The following CTNND2 variants were observed in gnomAD, a reference collection of about 807,000 sequenced individuals.
CTNND2 encodes the protein catenin delta-2.
A neutral mutation model predicts 144.4 loss-of-function variants in CTNND2; 22 were observed. That is an observed-to-expected ratio of 0.15 (90% confidence interval 0.11 to 0.22). The LOEUF is 0.22. Ranked by LOEUF, CTNND2 falls within the 10% of genes least tolerant of loss-of-function variation. The pLI is 1.00. For synonymous variants in CTNND2, 751 were observed against 695.6 expected, an observed-to-expected ratio of 1.08 and a Z score of -1.25; for missense variants, 1,353 against 1,618.8, an observed-to-expected ratio of 0.84 and a Z score of 2.82.
chr5:11,152,836 A>G (rs1161261782), intron 12 of CTNND2, among the ~76,000 whole-genome samples: 1 of 152,206 alleles, frequency 6.6e-6, no homozygotes, highest in Admixed American at 6.5e-5. Context: ...ATCAGGACTA[A>G]GCTGCCCGGC....
chr5:11,514,869 C>T (rs1772017260), intron 3 of CTNND2, among the ~76,000 whole-genome samples: 2 of 152,252 alleles, frequency 1.3e-5, no homozygotes, highest in East Asian at 1.9e-4. Flanking sequence ...GTGGTGCGAT[C>T]GTGGCTCACT....
intron 16 of CTNND2, among the ~76,000 whole-genome samples, chr5:11,042,497 T>A (rs929126010): frequency 1.3e-5 from 2 of 152,142 alleles, no homozygotes; most frequent in Non-Finnish European, 2.9e-5. Context: ...TATTAACCAA[T>A]GAGATGTTTA....
chr5:11,211,422 T>TA (rs1191854870), intron 10 of CTNND2, among the ~76,000 whole-genome samples: 5 of 152,198 alleles, frequency 3.3e-5, no homozygotes, highest in Non-Finnish European at 7.3e-5. Flanking sequence ...CTTGTCCAGG[T>TA]AAGAGAACCA....
intron 16 of CTNND2, among the ~76,000 whole-genome samples, chr5:11,081,573 C>T (rs960470316): frequency 4.6e-5 from 7 of 152,204 alleles, no homozygotes; most frequent in African/African-American, 1.7e-4. Context: ...CAAAAAATTA[C>T]GGATTCGGCA....
intron 16 of CTNND2, among the ~76,000 whole-genome samples, chr5:11,032,108 C>A (rs1743540322): frequency 6.6e-6 from 1 of 152,224 alleles, no homozygotes; most frequent in Non-Finnish European, 1.5e-5. Context: ...ACAGATTCTG[C>A]CAATGTGATT....
chr5:11,138,982 T>C (rs1437597914), intron 12 of CTNND2, among the ~76,000 whole-genome samples: 2 of 22,716 alleles, frequency 8.8e-5, no homozygotes, highest in African/African-American at 1.8e-4. Context: ...AAAAGGAAAC[T>C]TTTTTTTTTT....
In CTNND2 at chr5:11,736,114, T is replaced by G. The variant is rs1787669820; in HGVS notation, c.38-3842A>C. On this transcript the variant is annotated intron_variant, in intron 1 of 21. Transcript: ENST00000304623. Reference sequence around the variant, plus strand: ...TTCTGCCTTTTAATTCCTATTTCAATGTCCTTTGATGTGTCAGCCTATTTC... The same window carrying G: ...TTCTGCCTTTTAATTCCTATTTCAAGGTCCTTTGATGTGTCAGCCTATTTC... 2.0e-5 allele frequency among the ~76,000 whole-genome samples: 3 copies of G among 152,332 alleles called. No homozygotes were observed. The South Asian group carries it at 6.2e-4, about 32-fold the overall frequency.
chr5:11,812,154 C>T (rs1371773970), intron 1 of CTNND2, among the ~76,000 whole-genome samples: 2 of 152,140 alleles, frequency 1.3e-5, no homozygotes, highest in South Asian at 2.1e-4. Flanking sequence ...AAACCATAAA[C>T]ACAAAGAAAT....
intron 3 of CTNND2, among the ~76,000 whole-genome samples, chr5:11,487,737 T>C (rs1323439761): frequency 1.3e-5 from 2 of 152,222 alleles, no homozygotes; most frequent in Non-Finnish European, 2.9e-5. Flanking sequence ...TTTTTATCTT[T>C]TGTGTCTATG....
intron 3 of CTNND2, among the ~76,000 whole-genome samples, chr5:11,507,590 A>G (rs1363878181): frequency 6.6e-6 from 1 of 152,230 alleles, no homozygotes; most frequent in East Asian, 1.9e-4. Context: ...AAGGGGATCA[A>G]GAGCAACAAG....
In CTNND2 at chr5:11,604,578, T is replaced by C. The variant is rs530621934; in HGVS notation, c.175-39522A>G. Among the ~76,000 whole-genome samples the C allele has an allele frequency of 3.9e-5, 6 of 152,320 alleles. No individual in the cohort carries two copies. In the South Asian group the frequency reaches 1.2e-3, roughly 32 times the overall value. ...CTTTGCAAGTCCCCTTGCCTTTGTG[T>C]ATACAGTCCATATTCTTCTGCCATC... is the stretch of plus-strand genomic sequence containing the variant. On this transcript the variant is annotated intron_variant, in intron 2 of 21. Coordinates refer to ENST00000304623, the MANE Select transcript of CTNND2 (RefSeq NM_001332.4).
At chr5:11,068,682 G>T (rs189536749) in intron 16 of CTNND2, among the ~76,000 whole-genome samples, 2 of 152,224 alleles carry the variant, frequency 1.3e-5, no homozygotes, top group African/African-American at 4.8e-5. Flanking sequence ...TTGGGAAGCC[G>T]AGGCGGGCGG....
At chr5:11,233,978 C>T (rs1741341444) in intron 10 of CTNND2, among the ~76,000 whole-genome samples, 1 of 152,098 alleles carries the variant, frequency 6.6e-6, no homozygotes, top group South Asian at 2.1e-4. Context: ...CCCCTGGGAA[C>T]ATTATCATGG....
chr5:11,284,804 G>T (rs1265571216), intron 9 of CTNND2, among the ~76,000 whole-genome samples: 1 of 152,072 alleles, frequency 6.6e-6, no homozygotes, highest in Non-Finnish European at 1.5e-5. Context: ...GGGTCAAATC[G>T]ATCTCACCAT....
At chr5:11,712,012 A>C (rs1454518701) in intron 2 of CTNND2, among the ~76,000 whole-genome samples, 5 of 152,334 alleles carry the variant, frequency 3.3e-5, no homozygotes, top group Non-Finnish European at 7.3e-5. Flanking sequence ...TTGGGAGTTT[A>C]TAATTTGTGT....
chr5:11,721,718 G>T (rs1786694982), intron 2 of CTNND2, among the ~76,000 whole-genome samples: 1 of 152,220 alleles, frequency 6.6e-6, no homozygotes. Context: ...CTGCGTGCCT[G>T]TCCACATGGC....
At chr5:11,863,387 C>A (rs1477992464) in intron 1 of CTNND2, among the ~76,000 whole-genome samples, 3 of 152,106 alleles carry the variant, frequency 2.0e-5, no homozygotes, top group Non-Finnish European at 4.4e-5. Context: ...TATATCACAC[C>A]AGGACCTCAT....
intron 9 of CTNND2, among the ~76,000 whole-genome samples, chr5:11,267,883 T>C (rs1000309011): frequency 2.6e-5 from 4 of 152,122 alleles, no homozygotes; most frequent in Non-Finnish European, 4.4e-5. Context: ...CGTGAAGTCA[T>C]AGTATGATGC....
At chr5:11,193,366 G>A (rs1736529943) in intron 11 of CTNND2, among the ~76,000 whole-genome samples, 1 of 152,034 alleles carries the variant, frequency 6.6e-6, no homozygotes, top group South Asian at 2.1e-4. Context: ...ATTTGGTAGG[G>A]TTTATATTAA....
Sources: allele counts gnomAD v4.1 joint callset (sites outside exome capture counted in the v4.1 genomes callset), GRCh38; gene constraint gnomAD v4.1.1; transcripts MANE v1.5; gene names NCBI Gene and HGNC (gene_info 2026-07-23, HGNC 2026-07-21).